The following TWIST2 variants were observed in gnomAD, a reference collection of about 807,000 sequenced individuals.
TWIST2 encodes the protein twist-related protein 2.
A neutral mutation model predicts 11.6 loss-of-function variants in TWIST2; 1 was observed. The ratio of observed to expected loss-of-function variants is 0.09; its 90% CI spans 0.03 to 0.41. The LOEUF (loss-of-function observed/expected upper bound fraction) is 0.41. TWIST2 is among the 10% of genes least tolerant of loss of function. The probability of loss-of-function intolerance (pLI) is 0.98; values close to 1 mark genes in which losing one functional copy is unlikely to be tolerated. For synonymous variants in TWIST2, 87 were observed against 96.6 expected, an observed-to-expected ratio of 0.90 and a Z score of 0.58; for missense variants, 168 against 226.4, an observed-to-expected ratio of 0.74 and a Z score of 1.66.
intron 1 of TWIST2, among the ~76,000 whole-genome samples, chr2:238,890,624 A>G (rs1693114936): frequency 6.6e-6 from 1 of 152,264 alleles, no homozygotes; most frequent in Non-Finnish European, 1.5e-5. Flanking sequence ...CACATTGAAA[A>G]TAAAATCAAA....
intron 1 of TWIST2, among the ~76,000 whole-genome samples, chr2:238,901,619 C>T (rs977681258): frequency 7.9e-5 from 12 of 152,140 alleles, no homozygotes; most frequent in African/African-American, 2.4e-4. Flanking sequence ...TCACTGACCA[C>T]GCTGAGCGGT....
chr2:238,880,427 T>G (rs548771434), intron 1 of TWIST2, among the ~76,000 whole-genome samples: 2 of 123,034 alleles, frequency 1.6e-5, no homozygotes. Context: ...TGGTAATATT[T>G]ATTAGCATTA....
rs979887410 is a variant in TWIST2 at position 238,867,825 on chromosome 2, C to T, written c.*35+19092C>T. 2.0e-5 allele frequency among the ~76,000 whole-genome samples: 3 copies of T among 152,094 alleles called. No individual in the cohort carries two copies. Among genetic ancestry groups the T allele is most frequent in the Non-Finnish European group, 4.4e-5 (3 of 68,014 alleles). On this transcript the variant is annotated intron_variant, in intron 1 of 1. Transcript: ENST00000612363. This position sits in a 1 kb window ranked among gnomAD's most constrained non-coding sequence, Gnocchi z 4.8. ...GCCGTTCCCAGAGCTGAGGGGCATC[C>T]CTCGAAGGCGGGAGGGAGAGAAGTG...
At position 238,871,409 on chromosome 2, in the gene TWIST2, ACACACACCACAACCC is replaced by A. The variant is rs1214510420; in HGVS notation, c.*35+22682_*35+22696del. ...ACCCCATGCACACACCACACACCCC[ACACACACCACAACCC>A]CACACGCCACACACACACCTTACCC... On this transcript the variant is annotated intron_variant, in intron 1 of 1. Coordinates refer to ENST00000612363, the MANE Select transcript of TWIST2 (RefSeq NM_001271893.4). Among the ~76,000 whole-genome samples, 94 of 58,376 alleles carry A rather than the reference ACACACACCACAACCC, an allele frequency of 1.6e-3. 11 individuals carry two copies. In the East Asian group the frequency reaches 0.076, roughly 47 times the overall value. The allele number at this position is 58,376 out of a possible 152,430, so 38.3% of individuals were successfully genotyped here.
chr2:238,852,019 T>C (rs1288471297), intron 1 of TWIST2, among the ~76,000 whole-genome samples: 1 of 152,338 alleles, frequency 6.6e-6, no homozygotes, highest in Non-Finnish European at 1.5e-5. Flanking sequence ...TGAGGTTTCC[T>C]GAAACTCATA....
chr2:238,871,998 C>T (rs866846977), intron 1 of TWIST2, among the ~76,000 whole-genome samples: 84 of 152,312 alleles, frequency 5.5e-4, no homozygotes, highest in South Asian at 4.1e-4. Flanking sequence ...GCGTGAATGT[C>T]CTTAATGCCA....
At chr2:238,856,959 G>T (rs1180415344) in intron 1 of TWIST2, among the ~76,000 whole-genome samples, 1 of 152,168 alleles carries the variant, frequency 6.6e-6, no homozygotes, top group Non-Finnish European at 1.5e-5. Context: ...AGCAAAGTGT[G>T]TCCAAGAAGC....
At chr2:238,905,208 A>T (rs980144320) in intron 1 of TWIST2, among the ~76,000 whole-genome samples, 1 of 150,962 alleles carries the variant, frequency 6.6e-6, no homozygotes, top group Non-Finnish European at 1.5e-5. Flanking sequence ...TCACCTGCTC[A>T]TTAGGGCCCC....
intron 1 of TWIST2, among the ~76,000 whole-genome samples, chr2:238,907,159 G>A (rs1220315045): frequency 1.4e-4 from 22 of 152,312 alleles, no homozygotes; most frequent in Admixed American, 1.0e-3. Context: ...GCCCTGAGGC[G>A]CGGCGCGGGG....
chr2:238,871,610 T>C (rs1485129233), intron 1 of TWIST2, among the ~76,000 whole-genome samples: 7 of 63,654 alleles, frequency 1.1e-4, no homozygotes, highest in Admixed American at 6.2e-4. Flanking sequence ...CACACCCCAC[T>C]CACACACATC....
chr2:238,851,415 C>T (rs1463653512), intron 1 of TWIST2, among the ~76,000 whole-genome samples: 2 of 152,136 alleles, frequency 1.3e-5, no homozygotes, highest in Non-Finnish European at 2.9e-5. Context: ...CCTGAGTCTT[C>T]GGAGCAGGGT....
chr2:238,853,640 C>G (rs148061970), intron 1 of TWIST2, among the ~76,000 whole-genome samples: 2,438 of 152,280 alleles, frequency 0.016, 37 homozygotes, highest in Non-Finnish European at 0.023. Flanking sequence ...GTAGCATTAA[C>G]AAGGTGAATT....
chr2:238,859,398 G>C (rs1376965293), intron 1 of TWIST2, among the ~76,000 whole-genome samples: 1 of 151,982 alleles, frequency 6.6e-6, no homozygotes, highest in Admixed American at 6.6e-5. Context: ...CTTCATGGGA[G>C]GGGGTGTCGG....
At chr2:238,893,042 G>A (rs1316048572) in intron 1 of TWIST2, among the ~76,000 whole-genome samples, 2 of 152,110 alleles carry the variant, frequency 1.3e-5, no homozygotes, top group African/African-American at 4.8e-5. Flanking sequence ...CAACTGCTCC[G>A]CCAGAAACTC....
chr2:238,864,911 C>T lies in TWIST2; in HGVS notation c.*35+16178C>T, dbSNP rs538349089. Among the ~76,000 whole-genome samples the T allele has an allele frequency of 2.0e-5, 3 of 152,228 alleles. No homozygotes were observed. The highest frequency in any genetic ancestry group is 4.8e-5 in the African/African-American group (2 of 41,544). On this transcript the variant is annotated intron_variant, in intron 1 of 1. Coordinates refer to ENST00000612363, the MANE Select transcript of TWIST2 (RefSeq NM_001271893.4). The surrounding 1 kb of genome is among the most constrained non-coding windows in gnomAD (Gnocchi z 4.7). ...GAGATCCGCCAGGAGCAGAGAGCTC[C>T]GGAAGGCCTGCCGGGAGGACCTGGA...
intron 1 of TWIST2, among the ~76,000 whole-genome samples, chr2:238,890,762 G>A (rs911396006): frequency 1.3e-5 from 2 of 152,136 alleles, no homozygotes; most frequent in Non-Finnish European, 2.9e-5. Flanking sequence ...TTGAGGCTGC[G>A]AGTCTTCTGG....
rs920367056 is a variant in TWIST2 at position 238,863,529 on chromosome 2, C to G, written c.*35+14796C>G. ...TACCCGCTGGGCAGTTCCCAAATGG[C>G]GCTTCATGATGGGACTGGCGCTCAT... On this transcript the variant is annotated intron_variant, in intron 1 of 1. Coordinates refer to ENST00000612363, the MANE Select transcript of TWIST2 (RefSeq NM_001271893.4). This position sits in a 1 kb window ranked among gnomAD's most constrained non-coding sequence, Gnocchi z 4.7. Among the ~76,000 whole-genome samples, 1 of 152,138 alleles carries G rather than the reference C, an allele frequency of 6.6e-6. No individual in the cohort carries two copies. The highest frequency in any genetic ancestry group is 2.4e-5 in the African/African-American group (1 of 41,430).
intron 1 of TWIST2, among the ~76,000 whole-genome samples, chr2:238,893,235 A>G (rs1693167819): frequency 6.6e-6 from 1 of 152,214 alleles, no homozygotes; most frequent in Admixed American, 6.5e-5. Context: ...TATCAGAGGC[A>G]TTTGAAAAAA....
At chr2:238,900,721 G>T (rs1007113856) in intron 1 of TWIST2, among the ~76,000 whole-genome samples, 3 of 152,284 alleles carry the variant, frequency 2.0e-5, no homozygotes, top group Admixed American at 6.5e-5. Context: ...CTGAGTGGGG[G>T]TGGTGAGCTT....
Sources: gnomAD v4.1 joint callset for allele counts (sites outside exome capture counted in the v4.1 genomes callset) on GRCh38, gnomAD v4.1.1 for gene constraint, Gnocchi (gnomAD v3.1) non-coding constraint, MANE v1.5 for transcripts, NCBI Gene and HGNC (gene_info 2026-07-23, HGNC 2026-07-21) for gene names.